PDE8B: variants seen among roughly 807,000 people sequenced by gnomAD.
PDE8B encodes high affinity cAMP-specific and IBMX-insensitive 3',5'-cyclic phosphodiesterase 8B.
PDE8B carries 26 observed loss-of-function variants against 101.3 expected under a neutral mutation model. The ratio of observed to expected loss-of-function variants is 0.26; its 90% CI spans 0.19 to 0.36. PDE8B has a LOEUF of 0.36. PDE8B is among the 10% of genes least tolerant of loss of function. The pLI is 1.00. For missense variants in PDE8B, 810 were observed against 1,163.1 expected (o/e 0.70, Z 4.42); for synonymous variants, 424 against 429.3 (o/e 0.99, Z 0.15).
Position 77,412,155 on chromosome 5 carries a change from C to T in PDE8B, c.1632C>T (p.Pro544=), listed in dbSNP as rs202120723. Residue 544 remains proline, a synonymous_variant, in exon 16 of 22, where the codon CCC becomes CCT. Coordinates refer to ENST00000264917, the MANE Select transcript of PDE8B (RefSeq NM_003719.5). The stretch of plus-strand genomic sequence containing the variant: ...TGCCAATAACCATCAATGATGTTCC[C>T]CCTTGTATCTCTCAATTACTTGATA... The part of the protein sequence containing the change: ...LAMPITINDV[P]PCISQLLDNE... The T allele has an allele frequency of 3.4e-5, 55 of 1,613,704 alleles. No individual in the cohort carries two copies. In the Admixed American group the frequency reaches 4.7e-4, roughly 14 times the overall value.
At chr5:77,175,115 C>A in the PDE8B span, among the ~76,000 whole-genome samples, 1 of 152,158 alleles carries the variant, frequency 6.6e-6, no homozygotes, top group East Asian at 1.9e-4. Flanking sequence ...GTCCTGTCAA[C>A]CTTGCATTCA....
intron 10 of PDE8B, among the ~76,000 whole-genome samples, chr5:77,362,771 G>T (rs1783358905): frequency 6.6e-6 from 1 of 152,200 alleles, no homozygotes; most frequent in Non-Finnish European, 1.5e-5. Context: ...CCATGCCTCT[G>T]TGTGTCACTC....
At chr5:77,177,204 A>C in the PDE8B span, among the ~76,000 whole-genome samples, 1 of 152,152 alleles carries the variant, frequency 6.6e-6, no homozygotes, top group East Asian at 1.9e-4. Context: ...AGGAAAAAAA[A>C]CCATGTTTAA....
chr5:77,421,146 T>G (rs531082858), intron 19 of PDE8B, among the ~76,000 whole-genome samples: 1 of 152,256 alleles, frequency 6.6e-6, no homozygotes, highest in African/African-American at 2.4e-5. Flanking sequence ...GACCAGTCTT[T>G]CTAAACATGG....
At position 77,401,852 on chromosome 5, in the gene PDE8B, T is replaced by C. The variant is rs1482209051; in HGVS notation, c.1210+1562T>C. 2.6e-5 allele frequency among the ~76,000 whole-genome samples: 4 copies of C among 152,196 alleles called. No homozygotes were observed. The East Asian group carries it at 5.8e-4, about 22-fold the overall frequency. On this transcript the variant is annotated intron_variant, in intron 11 of 21. Coordinates refer to ENST00000264917, the MANE Select transcript of PDE8B (RefSeq NM_003719.5). ...ATTGAAGAATAATTTCTCTAAACTT[T>C]TAATCACTTCTATTGCTATAGATTC...
chr5:77,111,615 A>G, the PDE8B span, among the ~76,000 whole-genome samples: 8 of 152,306 alleles, frequency 5.3e-5, no homozygotes, highest in East Asian at 1.5e-3. Context: ...GCTTTACAAC[A>G]AGCTCTTTAA....
chr5:77,249,760 T>C (rs1665905857), intron 1 of PDE8B, among the ~76,000 whole-genome samples: 1 of 152,242 alleles, frequency 6.6e-6, no homozygotes, highest in Admixed American at 6.5e-5. Flanking sequence ...ACCTGAAGCA[T>C]GCCACTTAAG....
chr5:77,289,423 C>T (rs1189263719), intron 1 of PDE8B, among the ~76,000 whole-genome samples: 1 of 152,082 alleles, frequency 6.6e-6, no homozygotes, highest in South Asian at 2.1e-4. Context: ...TAAAGCTGAC[C>T]AGAAGTAAAT....
At chr5:77,378,892 T>C (rs1175522657) in intron 10 of PDE8B, among the ~76,000 whole-genome samples, 1 of 152,214 alleles carries the variant, frequency 6.6e-6, no homozygotes, top group Non-Finnish European at 1.5e-5. Context: ...ATATCATCTT[T>C]CCATACTAGA....
chr5:77,211,072 C>A lies in PDE8B; in HGVS notation c.147C>A (p.Ala49=). 6.6e-7 allele frequency: 1 copy of A among 1,508,524 alleles called. No individual in the cohort carries two copies. Among genetic ancestry groups the A allele is most frequent in the Non-Finnish European group, 8.8e-7 (1 of 1,136,868 alleles). The allele number at this position is 1,508,524 out of a possible 1,614,324, so 93.4% of individuals were successfully genotyped here. Residue 49 remains alanine (A), a synonymous_variant, in exon 1 of 22, where the codon GCC becomes GCA. Transcript: ENST00000264917. This position sits in a 1 kb window ranked among gnomAD's most constrained non-coding sequence, Gnocchi z 4.1. Reference sequence around the variant, plus strand: ...CCGGCCTCTTCGTCCAGACCGACGCCGCCGACGCCATCCCCCCGAGCCGCG... The same window carrying A: ...CCGGCCTCTTCGTCCAGACCGACGCAGCCGACGCCATCCCCCCGAGCCGCG... ...PLPGLFVQTD[A]ADAIPPSRAS... is the part of the protein sequence containing the mutation.
intron 1 of PDE8B, among the ~76,000 whole-genome samples, chr5:77,228,705 T>C (rs1176596692): frequency 6.6e-6 from 1 of 152,168 alleles, no homozygotes; most frequent in African/African-American, 2.4e-5. Context: ...AAATGAAAGA[T>C]GAGGGTCAGA....
chr5:77,205,488 T>G (rs1257574923), upstream of PDE8B, among the ~76,000 whole-genome samples: 1 of 152,214 alleles, frequency 6.6e-6, no homozygotes, highest in Non-Finnish European at 1.5e-5. Context: ...TTTACAAATG[T>G]GTAGGCATTC....
At chr5:77,388,235 T>C (rs1789149922) in intron 10 of PDE8B, among the ~76,000 whole-genome samples, 1 of 152,214 alleles carries the variant, frequency 6.6e-6, no homozygotes, top group Non-Finnish European at 1.5e-5. Flanking sequence ...TGGTCTTTCA[T>C]GTTGGTGACC....
chr5:77,318,565 C>T (rs10474494), intron 2 of PDE8B, among the ~76,000 whole-genome samples: 50,331 of 151,986 alleles, frequency 0.33, 8,448 homozygotes, highest in Middle Eastern at 0.43. Context: ...GTTTCTCTAA[C>T]GGGTTATTGA....
At chr5:77,112,987 C>G in the PDE8B span, 2 of 152,128 alleles carry the variant, frequency 1.3e-5, no homozygotes, top group African/African-American at 4.8e-5. Context: ...TCAAGGAGAA[C>G]TACAAACCAC....
upstream of PDE8B, among the ~76,000 whole-genome samples, chr5:77,206,410 T>C (rs1747505487): frequency 6.6e-6 from 1 of 152,086 alleles, no homozygotes; most frequent in Admixed American, 6.5e-5. Flanking sequence ...AGAGGAACAA[T>C]AGAGCTATGT....
intron 4 of PDE8B, among the ~76,000 whole-genome samples, chr5:77,330,509 TAACA>T (rs1776917435): frequency 6.6e-6 from 1 of 152,180 alleles, no homozygotes; most frequent in Admixed American, 6.5e-5. Flanking sequence ...GTGGCCTTCC[TAACA>T]GTCAGAGAAG....
chr5:77,124,605 A>T, the PDE8B span, among the ~76,000 whole-genome samples: 1 of 152,092 alleles, frequency 6.6e-6, no homozygotes, highest in Non-Finnish European at 1.5e-5. Context: ...AAAAGAAAGA[A>T]AGAAAGAAAT....
intron 1 of PDE8B, among the ~76,000 whole-genome samples, chr5:77,242,791 C>G (rs1193097056): frequency 1.3e-5 from 2 of 152,154 alleles, no homozygotes; most frequent in African/African-American, 4.8e-5. Flanking sequence ...CCTGCCTCAG[C>G]CTGTAGCTGC....
Sources: allele counts gnomAD v4.1 joint callset (sites outside exome capture counted in the v4.1 genomes callset), GRCh38; gene constraint gnomAD v4.1.1; non-coding constraint Gnocchi (gnomAD v3.1); transcripts MANE v1.5; gene names NCBI Gene and HGNC (gene_info 2026-07-23, HGNC 2026-07-21).